Variants in SLC20A2 observed in about 807,000 individuals in gnomAD.
SLC20A2 encodes the protein solute carrier family 20 member 2.
In SLC20A2, 30 loss-of-function variants were observed where a neutral mutation model predicts 61.0. That is an observed-to-expected ratio of 0.49 (90% CI 0.37 to 0.67). The LOEUF (loss-of-function observed/expected upper bound fraction) is 0.67, where lower values mean the gene tolerates loss of function less well. Among genes scored for constraint, SLC20A2 ranks in the 30% least tolerant of loss-of-function variants. The pLI, the probability that SLC20A2 is intolerant of heterozygous loss-of-function variation, is 0.00. For synonymous variants in SLC20A2, 351 were observed against 353.3 expected, an observed-to-expected ratio of 0.99 and a Z score of 0.07; for missense variants, 626 against 866.4, an observed-to-expected ratio of 0.72 and a Z score of 3.48.
chr8:42,433,767 A>G lies in SLC20A2; in HGVS notation c.1523+3222T>C, dbSNP rs149955046. On this transcript the variant is annotated intron_variant, in intron 8 of 10. Coordinates refer to ENST00000520262, the MANE Select transcript of SLC20A2 (RefSeq NM_001257180.2). ...TGTTTCCATTCACCTGGCAGTGGACATCTGGGTTGTTCTCCCCTCTTGCCT... is the reference window on the plus strand; with the variant it reads ...TGTTTCCATTCACCTGGCAGTGGACGTCTGGGTTGTTCTCCCCTCTTGCCT... Among the ~76,000 whole-genome samples, 51 of 152,330 alleles carry G rather than the reference A, an allele frequency of 3.3e-4. No individual in the cohort carries two copies. In the East Asian group the frequency reaches 8.9e-3, roughly 26 times the overall value.
intron 1 of SLC20A2, among the ~76,000 whole-genome samples, chr8:42,523,502 A>C (rs1811729449): frequency 6.6e-6 from 1 of 152,202 alleles, no homozygotes; most frequent in Non-Finnish European, 1.5e-5. Flanking sequence ...TATCTCACTT[A>C]ATTTTAAAGA....
At chr8:42,494,203 A>G (rs1007740633) in intron 1 of SLC20A2, among the ~76,000 whole-genome samples, 1 of 152,228 alleles carries the variant, frequency 6.6e-6, no homozygotes, top group African/African-American at 2.4e-5. Flanking sequence ...AAAGTAAAAC[A>G]AGGAAAAATG....
chr8:42,462,807 G>A (rs1259199604), intron 4 of SLC20A2, among the ~76,000 whole-genome samples, 198 bp downstream of exon 4: 1 of 152,144 alleles, frequency 6.6e-6, no homozygotes, highest in Non-Finnish European at 1.5e-5. Context: ...TGCAGTGCTT[G>A]TTTCTGGGGG....
chr8:42,499,843 A>G (rs1486895657), intron 1 of SLC20A2, among the ~76,000 whole-genome samples: 1 of 152,214 alleles, frequency 6.6e-6, no homozygotes, highest in African/African-American at 2.4e-5. Flanking sequence ...ATTTCTCTTC[A>G]GCTCAATAAA....
At chr8:42,459,235 CAAAAAAAA>C (rs756966778) in intron 5 of SLC20A2, among the ~76,000 whole-genome samples, 1 of 36,076 alleles carries the variant, frequency 2.8e-5, no homozygotes, top group Non-Finnish European at 7.3e-5. Flanking sequence ...GACTCTATCT[CAAAAAAAA>C]AAAAAAAAAA....
chr8:42,419,648 C>T, intron 10 of SLC20A2: 2 of 897,354 alleles, frequency 2.2e-6, no homozygotes, highest in Non-Finnish European at 2.7e-6. Flanking sequence ...AGAGCTCTTT[C>T]CTCTCCCAAC....
chr8:42,507,414 T>C (rs544611680), intron 1 of SLC20A2, among the ~76,000 whole-genome samples: 2 of 152,060 alleles, frequency 1.3e-5, no homozygotes, highest in Admixed American at 6.6e-5. Context: ...TTCAAGACAG[T>C]TCTTTAAAAA....
At position 42,479,185 on chromosome 8, in the gene SLC20A2, C is replaced by T. The variant is rs374146715; in HGVS notation, c.-264-6531G>A. On this transcript the variant is annotated intron_variant, in intron 1 of 10. Coordinates refer to ENST00000520262, the MANE Select transcript of SLC20A2 (RefSeq NM_001257180.2). ...TCCAGATGGCTTCTAGAGGATCTCA[C>T]GGTAGAAACCCATTCGTTAGTATTA... is the stretch of plus-strand genomic sequence containing the variant. Among the ~76,000 whole-genome samples, 5 of 152,268 alleles carry T rather than the reference C, an allele frequency of 3.3e-5. No individual in the cohort carries two copies. In the East Asian group the frequency reaches 5.8e-4, roughly 18 times the overall value.
intron 1 of SLC20A2, chr8:42,541,256 G>A (rs1473721734): frequency 1.3e-5 from 2 of 151,598 alleles, no homozygotes; most frequent in Non-Finnish European, 2.9e-5. Context: ...CGCACGGCAA[G>A]CGACGGCCAG....
chr8:42,524,748 T>C (rs945116017), intron 1 of SLC20A2, among the ~76,000 whole-genome samples: 4 of 151,764 alleles, frequency 2.6e-5, no homozygotes, highest in African/African-American at 9.7e-5. Flanking sequence ...ACTGTGCCAT[T>C]GCACTCCAGC....
At chr8:42,495,064 C>T (rs898184922) in intron 1 of SLC20A2, among the ~76,000 whole-genome samples, 1 of 151,706 alleles carries the variant, frequency 6.6e-6, no homozygotes, top group South Asian at 2.1e-4. Context: ...ACTGTGTTAG[C>T]CAGAATGGTC....
intron 1 of SLC20A2, among the ~76,000 whole-genome samples, chr8:42,489,771 G>A (rs571500909): frequency 3.9e-5 from 6 of 152,308 alleles, no homozygotes; most frequent in Non-Finnish European, 5.9e-5. Context: ...CGTAGCCTGC[G>A]GAGTTTCACC....
intron 8 of SLC20A2, 43 bp from the exon 9 acceptor site, chr8:42,430,292 C>A: frequency 1.3e-6 from 2 of 1,522,028 alleles, no homozygotes; most frequent in Non-Finnish European, 1.8e-6. Context: ...TATATGCAAG[C>A]GGCAATGTAC....
At chr8:42,429,065 AC>A (rs1043838621) in intron 9 of SLC20A2, among the ~76,000 whole-genome samples, 22 of 152,350 alleles carry the variant, frequency 1.4e-4, no homozygotes, top group African/African-American at 4.8e-4. Context: ...GCCTTCTGAT[AC>A]GTTTTCAAAG....
At chr8:42,445,206 C>A (rs541561267) in intron 5 of SLC20A2, among the ~76,000 whole-genome samples, 1 of 152,148 alleles carries the variant, frequency 6.6e-6, no homozygotes, top group South Asian at 2.1e-4. Flanking sequence ...GCGGGAGATT[C>A]GTTCGAACCT....
chr8:42,457,904 T>C (rs933688033), intron 5 of SLC20A2, among the ~76,000 whole-genome samples: 9 of 152,216 alleles, frequency 5.9e-5, no homozygotes, highest in Non-Finnish European at 1.3e-4. Context: ...ATATAAAATA[T>C]AATTAGATAT....
rs114392767 is a variant in SLC20A2, at chr8:42,471,036, T to G, written c.289+1066A>C. 2,453 of 353,356 alleles carry G rather than the reference T, an allele frequency of 6.9e-3. 50 individuals carry two copies. The highest frequency in any genetic ancestry group is 0.048 in the African/African-American group (2,240 of 46,196). 21.9% of individuals were successfully genotyped at this position (353,356 alleles called of 1,614,324 possible). ...ACAAAATAAAGAACTCGGGGGAATG[T>G]GGCTGTATTCTTAGTACACCAGCAT... On this transcript the variant is annotated intron_variant, in intron 2 of 10. Transcript: ENST00000520262.
rs145613975 is a variant in SLC20A2 at position 42,532,745 on chromosome 8, A to G, written c.-265+9076T>C. ...GGAGACGAGAAGGAACCAGAGCTAG[A>G]TAAGACACACGGGAGACCAAGGCGG... is the stretch of plus-strand genomic sequence containing the variant. On this transcript the variant is annotated intron_variant, in intron 1 of 10. Coordinates refer to the SLC20A2 transcript ENST00000342228. 3.2e-3 allele frequency among the ~76,000 whole-genome samples: 489 copies of G among 152,346 alleles called. 2 individuals carry two copies. The highest frequency in any genetic ancestry group is 5.6e-3 in the Non-Finnish European group (383 of 68,034).
intron 2 of SLC20A2, among the ~76,000 whole-genome samples, chr8:42,466,506 G>A (rs1051971067): frequency 6.6e-6 from 1 of 152,172 alleles, no homozygotes; most frequent in Non-Finnish European, 1.5e-5. Flanking sequence ...CCAAGCAAGA[G>A]ATTAAAGTCT....
Sources: gnomAD v4.1 joint callset for allele counts (sites outside exome capture counted in the v4.1 genomes callset) on GRCh38, gnomAD v4.1.1 for gene constraint, MANE v1.5 for transcripts, NCBI Gene and HGNC (gene_info 2026-07-23, HGNC 2026-07-21) for gene names.